SH2D3C: variants seen among roughly 807,000 people sequenced by gnomAD.
The protein encoded by SH2D3C is SH2 domain containing 3C.
A neutral mutation model predicts 75.2 loss-of-function variants in SH2D3C; 25 were observed. The observed-to-expected ratio is 0.33, with a 90% confidence interval of 0.24 to 0.46. The LOEUF (loss-of-function observed/expected upper bound fraction) is 0.46. Among genes scored for constraint, SH2D3C ranks in the 20% least tolerant of loss-of-function variants. The probability of loss-of-function intolerance (pLI) is 1.00; values close to 1 mark genes in which losing one functional copy is unlikely to be tolerated. For missense variants in SH2D3C, 933 were observed against 1,165.3 expected (o/e 0.80, Z 2.90); for synonymous variants, 450 against 473.7 (o/e 0.95, Z 0.65).
At chr9:127,759,604 T>C (rs565492318) in intron 3 of SH2D3C, among the ~76,000 whole-genome samples, 1 of 152,292 alleles carries the variant, frequency 6.6e-6, no homozygotes, top group East Asian at 1.9e-4. Flanking sequence ...TTCCCAGCAC[T>C]TTGGGAGGCT....
At chr9:127,750,965 T>A (rs549444935) in intron 4 of SH2D3C, among the ~76,000 whole-genome samples, 2 of 152,358 alleles carry the variant, frequency 1.3e-5, no homozygotes, top group Non-Finnish European at 2.9e-5. Context: ...CCCTTTGCAG[T>A]AGATACTGAG....
intron 2 of SH2D3C, among the ~76,000 whole-genome samples, chr9:127,763,583 A>T (rs932462218): frequency 1.6e-4 from 25 of 152,298 alleles, no homozygotes; most frequent in African/African-American, 5.8e-4. Flanking sequence ...TTAATTGTTG[A>T]TCGCTGTCAT....
At chr9:127,757,649 A>G (rs1845428228) in intron 3 of SH2D3C, among the ~76,000 whole-genome samples, 1 of 134,292 alleles carries the variant, frequency 7.4e-6, no homozygotes. Flanking sequence ...GATGATGATT[A>G]TTATTATTAT....
intron 2 of SH2D3C, among the ~76,000 whole-genome samples, chr9:127,769,532 T>G (rs1845694657): frequency 6.6e-6 from 1 of 151,672 alleles, no homozygotes; most frequent in Admixed American, 6.6e-5. Flanking sequence ...GGCGCATGCC[T>G]GTAATCCCAG....
chr9:127,769,500 C>G (rs56853710), intron 2 of SH2D3C, among the ~76,000 whole-genome samples: 104 of 151,252 alleles, frequency 6.9e-4, no homozygotes, highest in African/African-American at 2.4e-3. Context: ...CACACACACA[C>G]ACAAAATTAG....
intron 2 of SH2D3C, among the ~76,000 whole-genome samples, chr9:127,765,678 C>T (rs1845620012): frequency 6.6e-6 from 1 of 152,196 alleles, no homozygotes; most frequent in African/African-American, 2.4e-5. Flanking sequence ...TAGGGTCATT[C>T]CTACTCAGCC....
At chr9:127,776,568 A>C (rs1471840304) in intron 1 of SH2D3C, among the ~76,000 whole-genome samples, 1 of 152,164 alleles carries the variant, frequency 6.6e-6, no homozygotes, top group Non-Finnish European at 1.5e-5. Flanking sequence ...GCCACCACCA[A>C]CTGACTTCCC....
chr9:127,743,094 G>A (rs1273539479), intron 7 of SH2D3C, 130 bp from the exon 8 acceptor site: 2 of 598,148 alleles, frequency 3.3e-6, no homozygotes, highest in African/African-American at 1.9e-5. Flanking sequence ...CAGCTCCACC[G>A]CTAACCCTCT....
At chr9:127,753,624 G>T (rs1186240115) in intron 3 of SH2D3C, among the ~76,000 whole-genome samples, 3 of 152,172 alleles carry the variant, frequency 2.0e-5, no homozygotes, top group African/African-American at 7.2e-5. Flanking sequence ...TCTCCAAGGG[G>T]TCCCCTACTT....
chr9:127,766,994 T>A, intron 2 of SH2D3C: 1 of 1,536,190 alleles, frequency 6.5e-7, no homozygotes, highest in Non-Finnish European at 8.7e-7. Flanking sequence ...GCCCCGTCTC[T>A]GCCAGGACAC....
At position 127,749,145 on chromosome 9, in the gene SH2D3C, C is replaced by G. The variant is rs774540514; in HGVS notation, c.1139+66G>C. On this transcript the variant is annotated intron_variant, in intron 5 of 11. Transcript: ENST00000314830. This position sits in a 1 kb window ranked among gnomAD's most constrained non-coding sequence, Gnocchi z 5.9. The stretch of plus-strand genomic sequence containing the variant: ...TTCATCCCATTTCAGTGTACCTAGG[C>G]CTTCTCTTTCTCACTAGCCCTCTCA... The G allele has an allele frequency of 1.7e-6, 2 of 1,156,216 alleles. No individual in the cohort carries two copies. Among genetic ancestry groups the G allele is most frequent in the Non-Finnish European group, 2.5e-6 (2 of 814,692 alleles). The allele number at this position is 1,156,216 out of a possible 1,614,324, so 71.6% of individuals were successfully genotyped here. A position where few individuals can be genotyped will look rare whatever the true frequency, so the allele number is the denominator to read the frequency against.
At chr9:127,776,870 C>T (rs534578105) in intron 1 of SH2D3C, among the ~76,000 whole-genome samples, 15 of 152,294 alleles carry the variant, frequency 9.8e-5, no homozygotes, top group Admixed American at 9.8e-4. Flanking sequence ...TCCTGAGAAA[C>T]GTGTCGGCAA....
At chr9:127,760,909 A>G (rs891890326) in intron 3 of SH2D3C, among the ~76,000 whole-genome samples, 5 of 151,484 alleles carry the variant, frequency 3.3e-5, no homozygotes, top group Non-Finnish European at 5.9e-5. Context: ...CGCAAATCTC[A>G]GCTCACTGCA....
chr9:127,756,827 G>A (rs1333763942), intron 3 of SH2D3C, among the ~76,000 whole-genome samples: 1 of 148,306 alleles, frequency 6.7e-6, no homozygotes, highest in South Asian at 2.1e-4. Flanking sequence ...TGTATTTTTA[G>A]TAGAGACAGG....
chr9:127,771,296 G>T, intron 2 of SH2D3C: 1 of 1,507,554 alleles, frequency 6.6e-7, no homozygotes, highest in African/African-American at 1.4e-5. Context: ...GCCTTTCTCG[G>T]GCCACTGAGC....
intron 6 of SH2D3C, among the ~76,000 whole-genome samples, chr9:127,746,675 C>A (rs567528091): frequency 2.7e-5 from 4 of 150,286 alleles, no homozygotes; most frequent in Admixed American, 2.7e-4. Context: ...TGGTGGCACA[C>A]GCCTGTAATC....
At chr9:127,764,341 C>A (rs1359614640) in intron 2 of SH2D3C, among the ~76,000 whole-genome samples, 1 of 152,190 alleles carries the variant, frequency 6.6e-6, no homozygotes, top group Non-Finnish European at 1.5e-5. Flanking sequence ...CAGTTACAAT[C>A]CGCTGCCATC....
In SH2D3C at chr9:127,743,013, C is replaced by A. The variant is rs777250448; in HGVS notation, c.1801-49G>T. 7 of 1,444,376 alleles carry A rather than the reference C, an allele frequency of 4.8e-6. No individual in the cohort carries two copies. In the Admixed American group the frequency reaches 1.3e-4, roughly 26 times the overall value. 89.5% of individuals were successfully genotyped at this position (1,444,376 alleles called of 1,614,324 possible). A position where few individuals can be genotyped will look rare whatever the true frequency, so the allele number is the denominator to read the frequency against. ...ATTAATATCCTGTCAGGGCTGGCCCCAGCCATCTGGGAGTCAGAGAGCTTT... is the reference window on the plus strand; with the variant it reads ...ATTAATATCCTGTCAGGGCTGGCCCAAGCCATCTGGGAGTCAGAGAGCTTT... On this transcript the variant is annotated intron_variant, in intron 7 of 11. Coordinates refer to ENST00000314830, the MANE Select transcript of SH2D3C (RefSeq NM_170600.3).
intron 2 of SH2D3C, among the ~76,000 whole-genome samples, chr9:127,769,486 C>A (rs903499906): frequency 6.0e-5 from 9 of 149,642 alleles, no homozygotes; most frequent in African/African-American, 1.7e-4. Context: ...CTACTAAAAA[C>A]ACACACACAC....
Sources: allele counts gnomAD v4.1 joint callset (sites outside exome capture counted in the v4.1 genomes callset), GRCh38; gene constraint gnomAD v4.1.1; non-coding constraint Gnocchi (gnomAD v3.1); transcripts MANE v1.5; gene names NCBI Gene and HGNC (gene_info 2026-07-23, HGNC 2026-07-21).